FAT3: variants seen among roughly 807,000 people sequenced by gnomAD.
FAT3 encodes protocadherin Fat 3.
A neutral mutation model predicts 310.2 loss-of-function variants in FAT3; 95 were observed. That is an observed-to-expected ratio of 0.31 (90% confidence interval 0.26 to 0.36). The LOEUF (loss-of-function observed/expected upper bound fraction) is 0.36, where lower values mean the gene tolerates loss of function less well. Among genes scored for constraint, FAT3 ranks in the 10% least tolerant of loss-of-function variants. FAT3 has a pLI of 1.00. For synonymous variants in FAT3, 2,314 were observed against 2,192.9 expected (o/e 1.06, Z -1.54); for missense variants, 5,408 against 5,715.6 (o/e 0.95, Z 1.74).
intron 6 of FAT3, among the ~76,000 whole-genome samples, chr11:92,768,408 G>A (rs1490798994): frequency 6.6e-6 from 1 of 152,110 alleles, no homozygotes; most frequent in Non-Finnish European, 1.5e-5. Context: ...CTTTTCCCAG[G>A]TGCTGGTTAC....
intron 1 of FAT3, among the ~76,000 whole-genome samples, chr11:92,337,370 T>G (rs1948116698): frequency 6.6e-6 from 1 of 152,222 alleles, no homozygotes; most frequent in Non-Finnish European, 1.5e-5. Flanking sequence ...ATGGTATTGT[T>G]AAGCCACATA....
chr11:92,422,944 A>C (rs1314400623), intron 2 of FAT3, among the ~76,000 whole-genome samples: 1 of 152,178 alleles, frequency 6.6e-6, no homozygotes, highest in Non-Finnish European at 1.5e-5. Context: ...ATAGGATATT[A>C]GTGTTATTCA....
intron 2 of FAT3, among the ~76,000 whole-genome samples, chr11:92,453,049 C>T (rs1366169502): frequency 6.6e-6 from 1 of 152,168 alleles, no homozygotes; most frequent in Non-Finnish European, 1.5e-5. Flanking sequence ...GTTGGGATTA[C>T]AGGTGTGACC....
intron 9 of FAT3, among the ~76,000 whole-genome samples, chr11:92,793,419 C>A (rs1346659846): frequency 2.0e-5 from 3 of 152,072 alleles, no homozygotes; most frequent in African/African-American, 7.2e-5. Context: ...AATTCCTTCA[C>A]CCTCATAGTT....
At chr11:92,541,317 A>G (rs1022461724) in intron 3 of FAT3, among the ~76,000 whole-genome samples, 2 of 152,218 alleles carry the variant, frequency 1.3e-5, no homozygotes, top group Admixed American at 6.5e-5. Flanking sequence ...AATATGCATC[A>G]CTGATACTGA....
chr11:92,670,584 C>A (rs922500987), intron 3 of FAT3, among the ~76,000 whole-genome samples: 1 of 152,178 alleles, frequency 6.6e-6, no homozygotes, highest in African/African-American at 2.4e-5. Flanking sequence ...TTTGAGCCAG[C>A]TCGCAAGTGC....
intron 1 of FAT3, among the ~76,000 whole-genome samples, chr11:92,305,940 T>A (rs1233714087): frequency 2.0e-5 from 3 of 152,172 alleles, no homozygotes; most frequent in African/African-American, 7.2e-5. Flanking sequence ...AAGATTATAG[T>A]ATCAATGTTA....
At chr11:92,759,587 G>A (rs532851578) in intron 4 of FAT3, among the ~76,000 whole-genome samples, 16 of 152,200 alleles carry the variant, frequency 1.1e-4, no homozygotes, top group African/African-American at 3.6e-4. Context: ...AGGACCTGAA[G>A]GATGCCCTTA....
chr11:92,727,008 CA>C (rs1489786141), intron 4 of FAT3, among the ~76,000 whole-genome samples: 1 of 151,856 alleles, frequency 6.6e-6, no homozygotes, highest in Non-Finnish European at 1.5e-5. Context: ...GCTCTTATGA[CA>C]AAATGAAAAA....
At chr11:92,802,319 C>T (rs1947384124) in intron 10 of FAT3, among the ~76,000 whole-genome samples, 1 of 152,196 alleles carries the variant, frequency 6.6e-6, no homozygotes, top group Admixed American at 6.5e-5. Flanking sequence ...GTAAGCTTCA[C>T]ATGCACACTT....
chr11:92,481,171 A>G (rs912367859), intron 2 of FAT3, among the ~76,000 whole-genome samples: 2 of 152,210 alleles, frequency 1.3e-5, no homozygotes, highest in African/African-American at 4.8e-5. Flanking sequence ...GGAAAATGCT[A>G]AATCATTTCA....
chr11:92,420,380 T>C (rs1950511201), intron 2 of FAT3, among the ~76,000 whole-genome samples: 1 of 152,204 alleles, frequency 6.6e-6, no homozygotes, highest in Non-Finnish European at 1.5e-5. Context: ...TCCATGAGGA[T>C]GCAGTGGTAG....
At chr11:92,231,123 A>C (rs1225635595) in intron 1 of FAT3, among the ~76,000 whole-genome samples, 1 of 152,160 alleles carries the variant, frequency 6.6e-6, no homozygotes, top group Non-Finnish European at 1.5e-5. Context: ...CCCCAATTTC[A>C]AAGGTAACTT....
intron 10 of FAT3, among the ~76,000 whole-genome samples, chr11:92,804,872 T>C (rs1477792176): frequency 3.3e-5 from 5 of 152,360 alleles, no homozygotes; most frequent in African/African-American, 1.2e-4. Flanking sequence ...AGTTTGAATT[T>C]GATTGTTCTT....
chr11:92,699,924 C>T (rs563371377), intron 4 of FAT3, among the ~76,000 whole-genome samples: 2 of 152,258 alleles, frequency 1.3e-5, no homozygotes, highest in South Asian at 4.1e-4. Flanking sequence ...ACAGCACCTC[C>T]CCACTCCAGG....
chr11:92,800,987 C>A lies in FAT3; in HGVS notation c.7974C>A (p.Gly2658=). ...TCCTGGAAATCGATCCTGACAATGG[C>A]TGGATGGTCACAAAGGGTAATTTTA... The part of the protein sequence containing the change: ...ADLLEIDPDN[G]WMVTKGNFNQ... The change falls in exon 10 of 28, where the codon GGC becomes GGA. Residue 2658 remains glycine (G), a synonymous_variant. Transcript: ENST00000525166. The A allele has an allele frequency of 6.2e-7, 1 of 1,613,428 alleles. No homozygotes were observed. The highest frequency in any genetic ancestry group is 1.1e-5 in the South Asian group (1 of 90,908).
rs375345800 is a variant in FAT3 at position 92,798,441 on chromosome 11, C to G, written c.5428C>G (p.Leu1810Val). The change falls in exon 10 of 28, where the codon CTG (leucine) becomes GTG (valine). Residue 1810 changes from leucine (L) to valine (V), a missense_variant. By Grantham distance (32) the Leu-to-Val change is conservative (BLOSUM62 1). Transcript: ENST00000525166. ...AGATGCTGACAGCAACCGGAATGCT[C>G]TGCTTGTGTATCAGATTGTGGAGTC... ...ATDADSNRNA[L>V]LVYQIVESTA... is the part of the protein sequence containing the mutation. 6.2e-7 allele frequency: 1 copy of G among 1,613,406 alleles called. No individual in the cohort carries two copies. The highest frequency in any genetic ancestry group is 8.5e-7 in the Non-Finnish European group (1 of 1,179,812).
At chr11:92,773,977 T>G in intron 6 of FAT3, 64 bp from the exon 7 acceptor site, 3 of 1,575,020 alleles carry the variant, frequency 1.9e-6, no homozygotes, top group Non-Finnish European at 2.6e-6. Flanking sequence ...TTTAAAGATA[T>G]ATGATATAAT....
intron 2 of FAT3, among the ~76,000 whole-genome samples, chr11:92,425,265 G>A (rs1175992704): frequency 6.6e-6 from 1 of 151,826 alleles, no homozygotes; most frequent in Admixed American, 6.6e-5. Flanking sequence ...ATTTTCAATG[G>A]GCCCTACATG....
Sources: allele counts gnomAD v4.1 joint callset (sites outside exome capture counted in the v4.1 genomes callset), GRCh38; gene constraint gnomAD v4.1.1; transcripts MANE v1.5; gene names NCBI Gene and HGNC (gene_info 2026-07-23, HGNC 2026-07-21).